CCNE2: variants seen among roughly 807,000 people sequenced by gnomAD.
CCNE2 encodes the protein G1/S-specific cyclin-E2.
CCNE2 carries 18 observed loss-of-function variants against 56.8 expected under a neutral mutation model. That is an observed-to-expected ratio of 0.32 (90% CI 0.22 to 0.47). The LOEUF is 0.47. Ranked by LOEUF, CCNE2 falls within the 20% of genes least tolerant of loss-of-function variation. The pLI, the probability that CCNE2 is intolerant of heterozygous loss-of-function variation, is 1.00. For synonymous variants in CCNE2, 139 were observed against 149.2 expected, an observed-to-expected ratio of 0.93 and a Z score of 0.50; for missense variants, 371 against 467.1, an observed-to-expected ratio of 0.79 and a Z score of 1.90.
rs538575777 is a variant in CCNE2 at position 94,885,280 on chromosome 8, A to C, written c.697-79T>G. 6 of 1,346,518 alleles carry C rather than the reference A, an allele frequency of 4.5e-6. No homozygotes were observed. The Admixed American group carries it at 1.1e-4, about 24-fold the overall frequency. The allele number at this position is 1,346,518 out of a possible 1,614,324, so 83.4% of individuals were successfully genotyped here. ...ATTATACAGCAGAGCTTAGAGGTTAAGTACATTCCCCATCCAACCATAACC... is the reference window on the plus strand; with the variant it reads ...ATTATACAGCAGAGCTTAGAGGTTACGTACATTCCCCATCCAACCATAACC... On this transcript the variant is annotated intron_variant, in intron 8 of 11. Transcript: ENST00000308108.
chr8:94,895,120 C>G lies in CCNE2; in HGVS notation c.-27+57G>C, dbSNP rs1203593393. The stretch of plus-strand genomic sequence containing the variant: ...GAGGCTCCCGCCTGTGGTAAGTGAT[C>G]GGCCCAACTGGGCTTTCTTTCCTCC... On this transcript the variant is annotated intron_variant, in intron 1 of 11. Coordinates refer to ENST00000308108, the MANE Select transcript of CCNE2 (RefSeq NM_057749.3). The G allele has an allele frequency of 2.3e-5, 22 of 942,880 alleles. No homozygotes were observed. The Admixed American group carries it at 1.4e-3, about 58-fold the overall frequency. 58.4% of individuals were successfully genotyped at this position (942,880 alleles called of 1,614,324 possible). A position where few individuals can be genotyped will look rare whatever the true frequency, so the allele number is the denominator to read the frequency against.
intron 4 of CCNE2, 55 bp downstream of exon 4, chr8:94,893,836 T>C: frequency 6.8e-7 from 1 of 1,478,454 alleles, no homozygotes; most frequent in Non-Finnish European, 9.4e-7. Context: ...ATTCTATTCT[T>C]ATTCATCTAT....
chr8:94,882,086 T>TA (rs764039885), intron 11 of CCNE2, 46 bp downstream of exon 11: 2 of 1,554,820 alleles, frequency 1.3e-6, no homozygotes, highest in Admixed American at 3.8e-5. Context: ...TTTGGTGACT[T>TA]ACTAGATTCA....
chr8:94,885,305 C>T, intron 8 of CCNE2, 104 bp from the exon 9 acceptor site: 1 of 1,205,384 alleles, frequency 8.3e-7, no homozygotes, highest in Non-Finnish European at 1.2e-6. Flanking sequence ...CAACCATAAC[C>T]ATTGTCAATA....
Position 94,885,496 on chromosome 8 carries a change from C to T in CCNE2, c.663G>A (p.Glu221=), listed in dbSNP as rs149795941. The change falls in exon 8 of 12, where the codon GAG becomes GAA. Residue 221 remains glutamate (E), a synonymous_variant. Coordinates refer to ENST00000308108, the MANE Select transcript of CCNE2 (RefSeq NM_057749.3). The part of the protein sequence containing the change: ...AYVTDGACSE[E]DILRMELIIL... ...TAATGAGTTCCATCCTTAAGATATC[C>T]TCTTCACTGCAAGCACCATCAGTGA... The T allele has an allele frequency of 1.2e-6, 2 of 1,607,164 alleles. No individual in the cohort carries two copies. Among genetic ancestry groups the T allele is most frequent in the African/African-American group, 2.7e-5 (2 of 74,660 alleles).
Position 94,881,660 on chromosome 8 carries a change from C to T in CCNE2, c.1187G>A (p.Ser396Asn), listed in dbSNP as rs1311407052. The T allele has an allele frequency of 6.2e-7, 1 of 1,613,306 alleles. No homozygotes were observed. Among genetic ancestry groups the T allele is most frequent in the East Asian group, 2.2e-5 (1 of 44,876 alleles). Residue 396 changes from serine to asparagine, a missense_variant, in exon 12 of 12, where the codon AGC becomes AAC. Coordinates refer to ENST00000308108, the MANE Select transcript of CCNE2 (RefSeq NM_057749.3). ...GTGTTTTCCTGGTGGTTTTTCAGTG[C>T]TCTTCGGTGGTGTCATAATGCCTCC... ...CNGGIMTPPK[S>N]TEKPPGKH
intron 7 of CCNE2, among the ~76,000 whole-genome samples, chr8:94,887,282 G>A (rs1170313524): frequency 6.6e-6 from 1 of 152,138 alleles, no homozygotes; most frequent in Non-Finnish European, 1.5e-5. Context: ...GAGGTGGGTG[G>A]ATCGCCTGAG....
Position 94,881,609 on chromosome 8 carries a change from A to G in CCNE2, c.*23T>C, listed in dbSNP as rs768965963. The G allele has an allele frequency of 2.5e-6, 4 of 1,609,326 alleles. No homozygotes were observed. The highest frequency in any genetic ancestry group is 3.4e-6 in the Non-Finnish European group (4 of 1,178,504). On this transcript the variant is annotated 3_prime_UTR_variant, in exon 12 of 12. Transcript: ENST00000308108. ...TTCTACCCAATCTTGGTGAATTCCAACTTGTTTGCTTAGTTATCTTCTTTA... is the reference window on the plus strand; with the variant it reads ...TTCTACCCAATCTTGGTGAATTCCAGCTTGTTTGCTTAGTTATCTTCTTTA...
At chr8:94,895,258 T>G, upstream of CCNE2, 3 of 985,362 alleles carry the variant, frequency 3.0e-6, no homozygotes, top group Non-Finnish European at 2.4e-6. Flanking sequence ...CCCGCACGCA[T>G]GCGCCTCAGA....
intron 6 of CCNE2, among the ~76,000 whole-genome samples, chr8:94,889,319 G>T (rs1380705742): frequency 6.6e-6 from 1 of 152,182 alleles, no homozygotes; most frequent in African/African-American, 2.4e-5. Flanking sequence ...AACACTGCTG[G>T]ATTTGATATA....
chr8:94,893,075 T>G, intron 4 of CCNE2, 106 bp from the exon 5 acceptor site: 1 of 868,926 alleles, frequency 1.2e-6, no homozygotes, highest in East Asian at 3.1e-5. Flanking sequence ...ATCATAATTT[T>G]AGCTAACATA....
chr8:94,886,910 A>G (rs1373538335), intron 7 of CCNE2, among the ~76,000 whole-genome samples: 1 of 152,238 alleles, frequency 6.6e-6, no homozygotes, highest in East Asian at 1.9e-4. Flanking sequence ...CAGTCTAGAA[A>G]GTTGTCTAAA....
intron 9 of CCNE2, among the ~76,000 whole-genome samples, 171 bp from the exon 10 acceptor site, chr8:94,883,063 C>A (rs1053240322): frequency 2.0e-5 from 3 of 152,008 alleles, no homozygotes; most frequent in African/African-American, 4.8e-5. Flanking sequence ...ATCACAAGGT[C>A]ACGAGATCGA....
At position 94,880,400 on chromosome 8, in the gene CCNE2, C is replaced by A. The variant is rs770303442; in HGVS notation, c.*1232G>T. The A allele has an allele frequency of 2.4e-6, 1 of 420,022 alleles. No individual in the cohort carries two copies. The highest frequency in any genetic ancestry group is 2.0e-5 in the African/African-American group (1 of 48,906). The allele number at this position is 420,022 out of a possible 1,614,324, so 26.0% of individuals were successfully genotyped here. On this transcript the variant is annotated 3_prime_UTR_variant, in exon 12 of 12. Transcript: ENST00000308108. ...TAAAAACAAACTATACAGAAGACTT[C>A]ATACCGTAACAATAAATGTATAGTT...
chr8:94,889,444 A>T (rs1016021505), intron 6 of CCNE2, among the ~76,000 whole-genome samples: 1 of 152,248 alleles, frequency 6.6e-6, no homozygotes, highest in Non-Finnish European at 1.5e-5. Flanking sequence ...AAAAATTAAC[A>T]TAATTGTGCT....
In CCNE2 at chr8:94,884,688, AT is replaced by A. The variant is rs534063311; in HGVS notation, c.831+378del. The A allele has an allele frequency of 2.9e-3, 452 of 156,032 alleles. 2 individuals carry two copies. Among genetic ancestry groups the A allele is most frequent in the Middle Eastern group, 0.02 (6 of 298 alleles). The allele number at this position is 156,032 out of a possible 1,614,324, so 9.7% of individuals were successfully genotyped here. A position where few individuals can be genotyped will look rare whatever the true frequency, so the allele number is the denominator to read the frequency against. On this transcript the variant is annotated intron_variant, in intron 9 of 11. Coordinates refer to ENST00000308108, the MANE Select transcript of CCNE2 (RefSeq NM_057749.3). ...TCTAAAAAATTTTTTTAACAAAGTA[AT>A]TTTAATTCTGATATTTAACTTGATA...
chr8:94,888,022 A>C lies in CCNE2; in HGVS notation c.505T>G (p.Phe169Val). The C allele has an allele frequency of 6.3e-7, 1 of 1,596,476 alleles. No individual in the cohort carries two copies. The highest frequency in any genetic ancestry group is 8.5e-7 in the Non-Finnish European group (1 of 1,170,390). ...TGTGTCAACATAAATCTATCAAAAAAGTCTTGTGCAAGATAAAATGTTTCC... is the reference window on the plus strand; with the variant it reads ...TGTGTCAACATAAATCTATCAAAAACGTCTTGTGCAAGATAAAATGTTTCC... ...HRETFYLAQD[F>V]FDRFMLTQKD... Residue 169 changes from phenylalanine (F) to valine (V), a missense_variant, in exon 7 of 12, where the codon TTT becomes GTT. By Grantham distance (50) the Phe-to-Val change is conservative. Coordinates refer to ENST00000308108, the MANE Select transcript of CCNE2 (RefSeq NM_057749.3).
intron 9 of CCNE2, chr8:94,884,016 G>GT (rs754226958): frequency 4.9e-6 from 2 of 410,118 alleles, no homozygotes; most frequent in Non-Finnish European, 1.0e-5. Flanking sequence ...TATCAGAAGG[G>GT]TATAGCTGCC....
chr8:94,882,262 C>T lies in CCNE2; in HGVS notation c.971G>A (p.Cys324Tyr), dbSNP rs1816848833. The T allele has an allele frequency of 6.2e-7, 1 of 1,611,424 alleles. No individual in the cohort carries two copies. Among genetic ancestry groups the T allele is most frequent in the African/African-American group, 1.3e-5 (1 of 74,872 alleles). The part of the protein sequence containing the change: ...SGLEWDSISE[C>Y]VDWMVPFVNV... Reference sequence around the variant, plus strand: ...GACAAAAGGTACCATCCAATCTACACATTCTGAAATACTGTCCCACTCCAA... The same window carrying T: ...GACAAAAGGTACCATCCAATCTACATATTCTGAAATACTGTCCCACTCCAA... The change falls in exon 11 of 12, where the codon TGT (cysteine) becomes TAT (tyrosine). Residue 324 changes from cysteine (C) to tyrosine (Y), a missense_variant. Transcript: ENST00000308108.
Sources: gnomAD v4.1 joint callset for allele counts (sites outside exome capture counted in the v4.1 genomes callset) on GRCh38, gnomAD v4.1.1 for gene constraint, MANE v1.5 for transcripts, NCBI Gene and HGNC (gene_info 2026-07-23, HGNC 2026-07-21) for gene names.